Variants in NREP observed in about 807,000 individuals in gnomAD.
NREP encodes neuronal regeneration-related protein.
Under a neutral mutation model 8.6 loss-of-function variants are expected in NREP, and 5 were observed. That is an observed-to-expected ratio of 0.58 (90% CI 0.30 to 1.22). The LOEUF (loss-of-function observed/expected upper bound fraction) is 1.22. NREP is among the 50% of genes most tolerant of loss of function. The pLI is 0.07. For synonymous variants in NREP, 27 were observed against 28.0 expected (o/e 0.96, Z 0.11); for missense variants, 86 against 82.5 (o/e 1.04, Z -0.17).
rs965300581 is a variant in NREP, at chr5:111,729,786, C to T, written c.*1135G>A. 1 of 152,512 alleles carries T rather than the reference C, an allele frequency of 6.6e-6. No individual in the cohort carries two copies. The highest frequency in any genetic ancestry group is 1.5e-5 in the Non-Finnish European group (1 of 68,026). The allele number at this position is 152,512 out of a possible 1,614,324, so 9.4% of individuals were successfully genotyped here. A position where few individuals can be genotyped will look rare whatever the true frequency, so the allele number is the denominator to read the frequency against. ...CAAGGACAAAAATGTAAATCTACACCTTGCTTATCAAAATTGCCGAAAAAA... is the reference window on the plus strand; with the variant it reads ...CAAGGACAAAAATGTAAATCTACACTTTGCTTATCAAAATTGCCGAAAAAA... On this transcript the variant is annotated 3_prime_UTR_variant, in exon 4 of 4. Transcript: ENST00000257435.
intron 3 of NREP, chr5:111,734,066 G>GA: frequency 6.6e-6 from 1 of 152,318 alleles, no homozygotes; most frequent in East Asian, 1.9e-4. Flanking sequence ...CCACCCCTGG[G>GA]AGCATGTCTT....
At chr5:111,970,070 T>C (rs1756766228) in intron 2 of NREP, among the ~76,000 whole-genome samples, 2 of 152,220 alleles carry the variant, frequency 1.3e-5, no homozygotes, top group African/African-American at 4.8e-5. Context: ...AAATGTTTCC[T>C]CTTCCTAAAT....
At chr5:111,841,249 G>T (rs1046060027) in intron 2 of NREP, among the ~76,000 whole-genome samples, 7 of 152,132 alleles carry the variant, frequency 4.6e-5, no homozygotes, top group African/African-American at 1.7e-4. Context: ...CTAGAACATG[G>T]GAATATTTAT....
intron 2 of NREP, chr5:111,975,244 C>T (rs181113631): frequency 3.4e-5 from 51 of 1,490,838 alleles, no homozygotes; most frequent in South Asian, 2.4e-4. Context: ...TTAACAAACA[C>T]GAGCAAATCA....
upstream of NREP, chr5:111,757,885 G>A: frequency 1.0e-6 from 1 of 983,534 alleles, no homozygotes; most frequent in South Asian, 4.7e-5. Flanking sequence ...GTGCTGCACA[G>A]CCCGGCGGCC....
intron 2 of NREP, among the ~76,000 whole-genome samples, chr5:111,959,542 A>T (rs1417103603): frequency 6.6e-6 from 1 of 151,806 alleles, no homozygotes; most frequent in East Asian, 1.9e-4. Context: ...ATTAGATATA[A>T]AGAAAACTTA....
chr5:111,753,089 G>A (rs1360538933), intron 2 of NREP, among the ~76,000 whole-genome samples: 2 of 151,550 alleles, frequency 1.3e-5, no homozygotes, highest in Admixed American at 6.6e-5. Context: ...GGGGGTGGGA[G>A]AGGCATATTT....
Position 111,964,237 on chromosome 5 carries a change from C to A in NREP, c.135+11037G>T, listed in dbSNP as rs73787748. Among the ~76,000 whole-genome samples the A allele has an allele frequency of 8.7e-3, 1,321 of 152,306 alleles. 18 individuals are homozygous for A. Among genetic ancestry groups the A allele is most frequent in the South Asian group, 0.025 (123 of 4,828 alleles). ...TGTAAACTTTTTATCTGACATCTTTCATTTAACATATATTTTGAGATTTAA... is the reference window on the plus strand; with the variant it reads ...TGTAAACTTTTTATCTGACATCTTTAATTTAACATATATTTTGAGATTTAA... On this transcript the variant is annotated intron_variant, in intron 2 of 3. Coordinates refer to the NREP transcript ENST00000395634.
At chr5:111,967,365 C>G (rs1756672177) in intron 2 of NREP, among the ~76,000 whole-genome samples, 1 of 152,164 alleles carries the variant, frequency 6.6e-6, no homozygotes, top group Admixed American at 6.5e-5. Context: ...TGCAAATGAT[C>G]TCCTGGCTCA....
At position 111,767,901 on chromosome 5, in the gene NREP, G is replaced by A. The variant is rs138088222; in HGVS notation, c.136-32394C>T. On this transcript the variant is annotated intron_variant, in intron 2 of 3. Transcript: ENST00000395634. ...GCTGGTCTCAAACTCCTGGGCTCAAGTGATCCTCCTGCCTCGGCCTCCTAA... is the reference window on the plus strand; with the variant it reads ...GCTGGTCTCAAACTCCTGGGCTCAAATGATCCTCCTGCCTCGGCCTCCTAA... Among the ~76,000 whole-genome samples, 582 of 152,248 alleles carry A rather than the reference G, an allele frequency of 3.8e-3. 1 individual carries two copies. The highest frequency in any genetic ancestry group is 0.013 in the African/African-American group (542 of 41,558).
At chr5:111,761,354 C>A (rs1442894340), upstream of NREP, among the ~76,000 whole-genome samples, 1 of 152,174 alleles carries the variant, frequency 6.6e-6, no homozygotes, top group Non-Finnish European at 1.5e-5. Flanking sequence ...AACCCTTGAG[C>A]CTTTCCACAT....
In NREP at chr5:111,920,306, TTTTAC is replaced by T. The variant is rs1383803784; in HGVS notation, c.135+54963_135+54967del. On this transcript the variant is annotated intron_variant, in intron 2 of 3. Coordinates refer to the NREP transcript ENST00000395634. ...TATTCCTTTATTTATTATGTTTTAA[TTTTAC>T]TTTAAAGTTTTAGGATACATGTGTA... is the stretch of plus-strand genomic sequence containing the variant. Among the ~76,000 whole-genome samples, 13 of 152,138 alleles carry T rather than the reference TTTTAC, an allele frequency of 8.5e-5. 1 individual carries two copies. The highest frequency in any genetic ancestry group is 3.1e-4 in the African/African-American group (13 of 41,440).
chr5:111,770,061 G>A (rs1751181501), intron 2 of NREP, among the ~76,000 whole-genome samples: 1 of 152,156 alleles, frequency 6.6e-6, no homozygotes, highest in Non-Finnish European at 1.5e-5. Context: ...GTGAGCAAGA[G>A]GAAAGAACAA....
chr5:111,801,785 T>C (rs1286412119), intron 2 of NREP, among the ~76,000 whole-genome samples: 5 of 152,266 alleles, frequency 3.3e-5, no homozygotes, highest in African/African-American at 1.2e-4. Context: ...TTAAGTTTTA[T>C]ACTTCTTATA....
upstream of NREP, chr5:111,758,050 C>T (rs1581094589): frequency 1.0e-6 from 1 of 985,566 alleles, no homozygotes; most frequent in East Asian, 1.1e-4. Context: ...TGCGGCGGCG[C>T]GGAGCCGCGC....
intron 2 of NREP, among the ~76,000 whole-genome samples, chr5:111,857,228 G>T (rs981204497): frequency 1.3e-5 from 2 of 152,136 alleles, no homozygotes; most frequent in African/African-American, 4.8e-5. Context: ...CACAGTGTGG[G>T]CCATAGCAGC....
At chr5:111,965,699 A>G (rs1158761833) in intron 2 of NREP, among the ~76,000 whole-genome samples, 1 of 152,114 alleles carries the variant, frequency 6.6e-6, no homozygotes, top group Admixed American at 6.5e-5. Flanking sequence ...TTAAAACCAA[A>G]CCACAATACA....
intron 2 of NREP, among the ~76,000 whole-genome samples, chr5:111,955,732 A>C (rs1364401083): frequency 6.6e-6 from 1 of 152,096 alleles, no homozygotes; most frequent in Non-Finnish European, 1.5e-5. Context: ...TTGAAAGAAA[A>C]GAATAATGAG....
intron 2 of NREP, among the ~76,000 whole-genome samples, chr5:111,878,984 A>G (rs1450583778): frequency 6.6e-6 from 1 of 152,226 alleles, no homozygotes; most frequent in Non-Finnish European, 1.5e-5. Flanking sequence ...TCTCATGTTG[A>G]AATGTGACCA....
Sources: gnomAD v4.1 joint callset for allele counts (sites outside exome capture counted in the v4.1 genomes callset) on GRCh38, gnomAD v4.1.1 for gene constraint, MANE v1.5 for transcripts, NCBI Gene and HGNC (gene_info 2026-07-23, HGNC 2026-07-21) for gene names.